Variants in NELL1 observed in about 807,000 individuals in gnomAD.
The protein encoded by NELL1 is protein kinase C-binding protein NELL1.
NELL1 carries 76 observed loss-of-function variants against 107.4 expected under a neutral mutation model. That is an observed-to-expected ratio of 0.71 (90% CI 0.59 to 0.86). The LOEUF (loss-of-function observed/expected upper bound fraction) is 0.86. Among genes scored for constraint, NELL1 ranks in the 40% least tolerant of loss-of-function variants. The pLI is 0.00. For missense variants in NELL1, 1,024 were observed against 1,005.5 expected (o/e 1.02, Z -0.25); for synonymous variants, 353 against 341.2 (o/e 1.03, Z -0.38).
At chr11:21,435,796 T>TTGTG (rs146985457) in intron 15 of NELL1, among the ~76,000 whole-genome samples, 15 of 151,226 alleles carry the variant, frequency 9.9e-5, no homozygotes, top group African/African-American at 3.6e-4. Context: ...GTGTGTGTGT[T>TTGTG]TGTGTGTGTG....
chr11:20,958,991 A>G (rs946767656), intron 11 of NELL1, among the ~76,000 whole-genome samples: 5 of 152,228 alleles, frequency 3.3e-5, no homozygotes, highest in African/African-American at 1.2e-4. Context: ...GTTTAAAAGT[A>G]CAGTCCGATG....
intron 14 of NELL1, among the ~76,000 whole-genome samples, chr11:21,236,731 G>T (rs1456497886): frequency 1.3e-5 from 2 of 152,016 alleles, no homozygotes; most frequent in Non-Finnish European, 2.9e-5. Context: ...ACCCTTTTTA[G>T]ACTCATTCAG....
At chr11:21,432,992 C>A (rs1590928396) in intron 15 of NELL1, among the ~76,000 whole-genome samples, 1 of 152,086 alleles carries the variant, frequency 6.6e-6, no homozygotes. Flanking sequence ...CATTCATTAA[C>A]CAACCTCTGC....
intron 15 of NELL1, among the ~76,000 whole-genome samples, chr11:21,407,787 C>G (rs1740080067): frequency 6.6e-6 from 1 of 151,214 alleles, no homozygotes; most frequent in Admixed American, 6.6e-5. Context: ...TCGAATAGTC[C>G]TCAAACATTG....
chr11:21,136,961 G>T (rs1565077912), intron 13 of NELL1, among the ~76,000 whole-genome samples: 1 of 152,212 alleles, frequency 6.6e-6, no homozygotes, highest in African/African-American at 2.4e-5. Flanking sequence ...ATCCTTAAAG[G>T]CAGTCATTCT....
chr11:21,562,537 G>A (rs1423076696), intron 17 of NELL1, among the ~76,000 whole-genome samples: 1 of 152,000 alleles, frequency 6.6e-6, no homozygotes, highest in Non-Finnish European at 1.5e-5. Context: ...ATCAGATTCT[G>A]TAAGTCACCA....
At chr11:20,800,415 TTG>T (rs1409356254) in intron 3 of NELL1, among the ~76,000 whole-genome samples, 1 of 152,218 alleles carries the variant, frequency 6.6e-6, no homozygotes, top group African/African-American at 2.4e-5. Context: ...TGGTATTTCA[TTG>T]TGGTTTTGAT....
At chr11:20,933,875 C>T (rs1403292834) in intron 9 of NELL1, among the ~76,000 whole-genome samples, 1 of 152,152 alleles carries the variant, frequency 6.6e-6, no homozygotes, top group Non-Finnish European at 1.5e-5. Context: ...TTTATATCCT[C>T]AGTACATTTT....
intron 12 of NELL1, among the ~76,000 whole-genome samples, chr11:21,046,169 T>A (rs1433906958): frequency 6.6e-6 from 1 of 152,176 alleles, no homozygotes; most frequent in Non-Finnish European, 1.5e-5. Context: ...AGAAAAAATG[T>A]TTTGAGCAAC....
chr11:21,266,846 C>T (rs2133929569), intron 14 of NELL1, among the ~76,000 whole-genome samples: 1 of 152,140 alleles, frequency 6.6e-6, no homozygotes, highest in East Asian at 1.9e-4. Context: ...ATTAATTAGA[C>T]TCACCTCAAA....
chr11:20,990,862 G>A (rs1590509243), intron 12 of NELL1, among the ~76,000 whole-genome samples: 3 of 152,188 alleles, frequency 2.0e-5, no homozygotes, highest in South Asian at 4.2e-4. Flanking sequence ...TCTGGCTCTG[G>A]GGAGAAGTCC....
At chr11:21,069,174 A>G (rs904473301) in intron 12 of NELL1, among the ~76,000 whole-genome samples, 1 of 152,202 alleles carries the variant, frequency 6.6e-6, no homozygotes. Context: ...TAATGGATAC[A>G]GGGCTTAATA....
At chr11:20,733,551 T>A (rs1855695008) in intron 2 of NELL1, among the ~76,000 whole-genome samples, 1 of 152,060 alleles carries the variant, frequency 6.6e-6, no homozygotes, top group African/African-American at 2.4e-5. Context: ...AGTCCCCAGG[T>A]GTAGTGGGAA....
At chr11:21,383,399 A>T (rs1229272639) in intron 15 of NELL1, among the ~76,000 whole-genome samples, 5 of 151,890 alleles carry the variant, frequency 3.3e-5, no homozygotes, top group Non-Finnish European at 7.4e-5. Context: ...AGATTATTTT[A>T]TTAAAGAATA....
At chr11:21,151,585 T>C (rs1237820187) in intron 13 of NELL1, among the ~76,000 whole-genome samples, 1 of 152,186 alleles carries the variant, frequency 6.6e-6, no homozygotes. Flanking sequence ...AGTTTCCACA[T>C]CTGAAATTTG....
chr11:21,552,346 G>A (rs1426718438), intron 16 of NELL1, among the ~76,000 whole-genome samples: 8 of 151,700 alleles, frequency 5.3e-5, no homozygotes, highest in South Asian at 2.1e-4. Flanking sequence ...GGTGAATGGA[G>A]TAGACAAAAT....
chr11:21,137,349 G>A (rs1855765808), intron 13 of NELL1, among the ~76,000 whole-genome samples: 1 of 152,188 alleles, frequency 6.6e-6, no homozygotes, highest in Non-Finnish European at 1.5e-5. Context: ...ATGGAAATAA[G>A]AGGCAGAAAG....
chr11:20,741,526 C>A (rs187045022), intron 2 of NELL1, among the ~76,000 whole-genome samples: 20 of 152,214 alleles, frequency 1.3e-4, no homozygotes, highest in Non-Finnish European at 2.8e-4. Flanking sequence ...ATAAAAAGGG[C>A]AGAGACATTT....
At chr11:20,799,282 C>T (rs1857234774) in intron 3 of NELL1, among the ~76,000 whole-genome samples, 1 of 152,172 alleles carries the variant, frequency 6.6e-6, no homozygotes, top group Non-Finnish European at 1.5e-5. Flanking sequence ...TGAGGAGATG[C>T]TGACAGCAAT....
Sources: gnomAD v4.1 joint callset for allele counts (sites outside exome capture counted in the v4.1 genomes callset) on GRCh38, gnomAD v4.1.1 for gene constraint, MANE v1.5 for transcripts, NCBI Gene and HGNC (gene_info 2026-07-23, HGNC 2026-07-21) for gene names.